P2RX5: variants seen among roughly 807,000 people sequenced by gnomAD.
P2RX5 encodes the protein purinergic receptor P2X 5.
A neutral mutation model predicts 54.1 loss-of-function variants in P2RX5; 46 were observed. That is an observed-to-expected ratio of 0.85 (90% confidence interval 0.67 to 1.09). P2RX5 has a LOEUF of 1.09. Ranked by LOEUF, P2RX5 falls within the 50% of genes least tolerant of loss-of-function variation. P2RX5 has a pLI of 0.00. For synonymous variants in P2RX5, 226 were observed against 226.4 expected (o/e 1.00, Z 0.02); for missense variants, 566 against 549.8 (o/e 1.03, Z -0.29).
At chr17:3,716,947 T>C in the P2RX5 span, 2 of 583,828 alleles carry the variant, frequency 3.4e-6, no homozygotes, top group Non-Finnish European at 6.1e-6. Flanking sequence ...AAGCTAGATA[T>C]TCCCTGATGC....
At chr17:3,674,879 AT>A (rs1038429229) in intron 11 of P2RX5, among the ~76,000 whole-genome samples, 33 of 152,220 alleles carry the variant, frequency 2.2e-4, no homozygotes, top group African/African-American at 7.9e-4. Context: ...GGGTGTGATC[AT>A]TTGGTAAGGG....
Position 3,673,832 on chromosome 17 carries a change from G to A in P2RX5, c.*36C>T. 6.2e-7 allele frequency: 1 copy of A among 1,612,718 alleles called. No individual in the cohort carries two copies. Among genetic ancestry groups the A allele is most frequent in the Non-Finnish European group, 8.5e-7 (1 of 1,179,982 alleles). On this transcript the variant is annotated 3_prime_UTR_variant, in exon 12 of 12. Coordinates refer to ENST00000225328, the MANE Select transcript of P2RX5 (RefSeq NM_002561.4). ...GGGATCACTGGGTGCTAGACGGCTG[G>A]GTTTAGGACAGGGCCTGAACGTAAG...
At chr17:3,700,251 A>C (rs923540374), upstream of P2RX5, among the ~76,000 whole-genome samples, 1 of 152,180 alleles carries the variant, frequency 6.6e-6, no homozygotes, top group African/African-American at 2.4e-5. Context: ...AGTCCAAGTC[A>C]GGGCCGGGCA....
chr17:3,691,718 C>G lies in P2RX5; in HGVS notation c.214G>C (p.Gly72Arg). Reference sequence around the variant, plus strand: ...TCCGAGGTGTTGGTGAAGGCCACGCCCTTGACTTTGGTGATGACAGCACTC... The same window carrying G: ...TCCGAGGTGTTGGTGAAGGCCACGCGCTTGACTTTGGTGATGACAGCACTC... ...LQSAVITKVK[G>R]VAFTNTSDLG... The change falls in exon 2 of 12, where the codon GGC (glycine) becomes CGC (arginine). Residue 72 changes from glycine (G) to arginine (R), a missense_variant. Gly to Arg is a moderately radical substitution (Grantham distance 125). Transcript: ENST00000225328. 3 of 1,614,222 alleles carry G rather than the reference C, an allele frequency of 1.9e-6. No homozygotes were observed. Among genetic ancestry groups the G allele is most frequent in the Non-Finnish European group, 2.5e-6 (3 of 1,180,052 alleles).
the P2RX5 span, among the ~76,000 whole-genome samples, chr17:3,718,580 A>C: frequency 6.6e-6 from 1 of 152,222 alleles, no homozygotes; most frequent in Admixed American, 6.5e-5. Flanking sequence ...TCATAGAGTC[A>C]CTGTAAGTCA....
Position 3,689,787 on chromosome 17 carries a change from A to T in P2RX5, c.615-157T>A, listed in dbSNP as rs1197824885. Among the ~76,000 whole-genome samples, 3 of 152,236 alleles carry T rather than the reference A, an allele frequency of 2.0e-5. No individual in the cohort carries two copies. The East Asian group carries it at 5.8e-4, about 29-fold the overall frequency. ...GGGAAGGGGCGCCCCAGCACCACCC[A>T]CCGTTTATTCACATGCAGACATCAC... On this transcript the variant is annotated intron_variant, in intron 6 of 11. Transcript: ENST00000225328.
In P2RX5 at chr17:3,690,699, C is replaced by T; in HGVS notation, c.361-19G>A. The T allele has an allele frequency of 1.9e-6, 3 of 1,611,746 alleles. No individual in the cohort carries two copies. Among genetic ancestry groups the T allele is most frequent in the East Asian group, 2.2e-5 (1 of 44,884 alleles). ...CTTCATTCTGCCAGGAGAGAAGGGG[C>T]ACCTGGATGGGGGGGTTCCCCCAGC... On this transcript the variant is annotated intron_variant, in intron 3 of 11. Transcript: ENST00000225328.
chr17:3,720,448 C>T, the P2RX5 span: 2 of 873,056 alleles, frequency 2.3e-6, no homozygotes, highest in East Asian at 4.8e-5. Flanking sequence ...ATATTTTAGA[C>T]ATGAACTCAC....
At position 3,691,682 on chromosome 17, in the gene P2RX5, G is replaced by T. The variant is rs140162479; in HGVS notation, c.250C>A (p.Arg84=). 2.5e-6 allele frequency: 4 copies of T among 1,614,096 alleles called. No individual in the cohort carries two copies. Among genetic ancestry groups the T allele is most frequent in the African/African-American group, 2.7e-5 (2 of 74,954 alleles). Residue 84 remains arginine (R), a synonymous_variant, in exon 2 of 12, where the codon CGG becomes AGG. Transcript: ENST00000225328. ...ACGTAGTCGGCGACATCCCAGATCC[G>T]CTGCCCAAGATCCGAGGTGTTGGTG... The part of the protein sequence containing the change: ...AFTNTSDLGQ[R]IWDVADYVIP...
the P2RX5 span, chr17:3,720,292 C>G: frequency 2.9e-6 from 4 of 1,364,078 alleles, no homozygotes; most frequent in Admixed American, 6.8e-5. Context: ...TACTCAGAAG[C>G]CAGCCAGGAA....
At chr17:3,701,752 T>TG in the P2RX5 span, among the ~76,000 whole-genome samples, 1 of 119,006 alleles carries the variant, frequency 8.4e-6, no homozygotes, top group Admixed American at 8.0e-5. Context: ...CTCTGTTTTT[T>TG]TTTTTTTTGT....
At chr17:3,718,223 C>G in the P2RX5 span, 1 of 152,242 alleles carries the variant, frequency 6.6e-6, no homozygotes, top group African/African-American at 2.4e-5. Context: ...AGATTCAGAT[C>G]TCACTAATAA....
In P2RX5 at chr17:3,690,465, G is replaced by A. The variant is rs531880555; in HGVS notation, c.495C>T (p.Ile165=). ...RENLARGTCE[I]FAWCPLETSS... ...TTGTCTCCAACGGGCACCAGGCAAA[G>A]ATCTCACAGGTGCCCCTGGCCAAGT... Residue 165 remains isoleucine (I), a synonymous_variant, in exon 5 of 12, where the codon ATC becomes ATT. Coordinates refer to ENST00000225328, the MANE Select transcript of P2RX5 (RefSeq NM_002561.4). 12 of 1,613,116 alleles carry A rather than the reference G, an allele frequency of 7.4e-6. No homozygotes were observed. The highest frequency in any genetic ancestry group is 2.2e-5 in the East Asian group (1 of 44,860).
chr17:3,720,458 C>T, the P2RX5 span: 187 of 833,304 alleles, frequency 2.2e-4, 1 homozygote, highest in Non-Finnish European at 3.7e-4. Flanking sequence ...CATGAACTCA[C>T]TGTGTTTGAA....
At chr17:3,694,471 G>A (rs2050702856) in intron 1 of P2RX5, among the ~76,000 whole-genome samples, 1 of 152,134 alleles carries the variant, frequency 6.6e-6, no homozygotes, top group South Asian at 2.1e-4. Flanking sequence ...TTCCCAAAGG[G>A]CTGGGATTAT....
At chr17:3,699,050 C>T (rs1420445794), upstream of P2RX5, among the ~76,000 whole-genome samples, 1 of 100,182 alleles carries the variant, frequency 1.0e-5, no homozygotes, top group Non-Finnish European at 2.1e-5. Context: ...TATATATAGA[C>T]AGACACACAC....
At chr17:3,723,455 A>G in the P2RX5 span, 2 of 1,173,468 alleles carry the variant, frequency 1.7e-6, no homozygotes, top group Non-Finnish European at 2.6e-6. Flanking sequence ...AACACTTCGG[A>G]CACAGAGCAT....
intron 11 of P2RX5, chr17:3,675,202 G>T: frequency 4.3e-6 from 1 of 233,052 alleles, no homozygotes; most frequent in Non-Finnish European, 7.0e-6. Flanking sequence ...GCCACGCCCA[G>T]CTATTTTTTT....
chr17:3,701,867 T>C, the P2RX5 span, among the ~76,000 whole-genome samples: 14 of 149,942 alleles, frequency 9.3e-5, no homozygotes, highest in Non-Finnish European at 2.1e-4. Flanking sequence ...GTGATTCTCC[T>C]GCCTCAGCCT....
Sources: allele counts gnomAD v4.1 joint callset (sites outside exome capture counted in the v4.1 genomes callset), GRCh38; gene constraint gnomAD v4.1.1; transcripts MANE v1.5; gene names NCBI Gene and HGNC (gene_info 2026-07-23, HGNC 2026-07-21).